CLYBL: variants seen among roughly 807,000 people sequenced by gnomAD.
The protein encoded by CLYBL is citramalyl-CoA lyase.
CLYBL carries 31 observed loss-of-function variants against 38.9 expected under a neutral mutation model. That is an observed-to-expected ratio of 0.80 (90% CI 0.60 to 1.08). CLYBL has a LOEUF of 1.08. CLYBL is among the 50% of genes least tolerant of loss of function. The pLI, the probability that CLYBL is intolerant of heterozygous loss-of-function variation, is 0.00. For missense variants in CLYBL, 434 were observed against 411.6 expected (o/e 1.05, Z -0.47); for synonymous variants, 171 against 158.6 (o/e 1.08, Z -0.59).
At chr13:99,805,877 C>T (rs569679100) in intron 2 of CLYBL, among the ~76,000 whole-genome samples, 10 of 152,176 alleles carry the variant, frequency 6.6e-5, no homozygotes, top group South Asian at 6.2e-4. Flanking sequence ...TACATGGTTG[C>T]GTTGTTGTCA....
chr13:99,671,180 A>G (rs1270744108), intron 1 of CLYBL, among the ~76,000 whole-genome samples: 2 of 152,096 alleles, frequency 1.3e-5, no homozygotes, highest in African/African-American at 4.8e-5. Context: ...AGCCTTCCCT[A>G]CCATCCTATT....
chr13:99,779,671 T>C lies in CLYBL; in HGVS notation c.249+6661T>C, dbSNP rs117328679. ...TTTCTAAACTGTTACTCTCCAAGGTTGCACTTAATCATAGTGGCATGGTAA... is the reference window on the plus strand; with the variant it reads ...TTTCTAAACTGTTACTCTCCAAGGTCGCACTTAATCATAGTGGCATGGTAA... On this transcript the variant is annotated intron_variant, in intron 2 of 8. Coordinates refer to ENST00000339105, the MANE Select transcript of CLYBL (RefSeq NM_206808.5). 5.4e-3 allele frequency among the ~76,000 whole-genome samples: 819 copies of C among 152,344 alleles called. 7 individuals are homozygous for C. Among genetic ancestry groups the C allele is most frequent in the South Asian group, 0.021 (103 of 4,828 alleles).
intron 1 of CLYBL, among the ~76,000 whole-genome samples, chr13:99,617,725 A>G (rs1399561690): frequency 1.3e-5 from 2 of 152,230 alleles, no homozygotes; most frequent in Non-Finnish European, 2.9e-5. Context: ...ATACTGACCT[A>G]TAAACGGTCC....
At chr13:99,727,410 A>G (rs1355781354) in intron 1 of CLYBL, 2 of 152,092 alleles carry the variant, frequency 1.3e-5, no homozygotes, top group Non-Finnish European at 2.9e-5. Context: ...GTTCCTTTTC[A>G]GATAAAGGTC....
At chr13:99,754,416 C>CAAAAAAAAAAAAAAAAAAAA (rs1172376194) in intron 1 of CLYBL, among the ~76,000 whole-genome samples, 1 of 71,882 alleles carries the variant, frequency 1.4e-5, no homozygotes, top group African/African-American at 5.7e-5. Context: ...GACCCTGTCT[C>CAAAAAAAAAAAAAAAAAAAA]AAAAAAAAAA....
chr13:99,810,100 T>G (rs2050311392), intron 2 of CLYBL, among the ~76,000 whole-genome samples: 1 of 152,256 alleles, frequency 6.6e-6, no homozygotes, highest in African/African-American at 2.4e-5. Context: ...AATGATTAAC[T>G]CGGTAACTCA....
chr13:99,653,125 G>T (rs1319216367), intron 1 of CLYBL, among the ~76,000 whole-genome samples: 1 of 152,172 alleles, frequency 6.6e-6, no homozygotes, highest in African/African-American at 2.4e-5. Context: ...AATCTGAAGG[G>T]CAAGGGTTTG....
chr13:99,743,272 C>T (rs1001999982), intron 1 of CLYBL, among the ~76,000 whole-genome samples: 15 of 152,074 alleles, frequency 9.9e-5, no homozygotes, highest in Admixed American at 2.0e-4. Context: ...CAATTGTAAC[C>T]GCGAATGATG....
At chr13:99,718,374 G>GAAA (rs80328734) in intron 1 of CLYBL, among the ~76,000 whole-genome samples, 1 of 123,028 alleles carries the variant, frequency 8.1e-6, no homozygotes, top group African/African-American at 2.8e-5. Context: ...TTAAAAAAAA[G>GAAA]AAAAAAAAAA....
chr13:99,781,361 G>A (rs569399694), intron 2 of CLYBL, among the ~76,000 whole-genome samples: 121 of 151,930 alleles, frequency 8.0e-4, no homozygotes, highest in African/African-American at 2.8e-3. Context: ...TAGTAGAGAT[G>A]GGGTTTCACT....
At chr13:99,839,882 C>T (rs905512907) in intron 2 of CLYBL, among the ~76,000 whole-genome samples, 2 of 151,948 alleles carry the variant, frequency 1.3e-5, no homozygotes, top group Non-Finnish European at 2.9e-5. Context: ...AAAATAGTTA[C>T]CCTGCTGTGC....
At chr13:99,863,330 A>C (rs935781867) in intron 4 of CLYBL, among the ~76,000 whole-genome samples, 1 of 152,224 alleles carries the variant, frequency 6.6e-6, no homozygotes, top group African/African-American at 2.4e-5. Flanking sequence ...TATTTAAATG[A>C]AGCATTTGTA....
At chr13:99,744,919 C>T (rs2048823238) in intron 1 of CLYBL, among the ~76,000 whole-genome samples, 1 of 152,208 alleles carries the variant, frequency 6.6e-6, no homozygotes, top group Non-Finnish European at 1.5e-5. Context: ...TCTGGAGTCA[C>T]AGGCAGGACC....
chr13:99,706,112 A>G (rs991078926), intron 1 of CLYBL, among the ~76,000 whole-genome samples: 5 of 151,956 alleles, frequency 3.3e-5, no homozygotes, highest in Admixed American at 6.6e-5. Context: ...TTGTATTTTT[A>G]GTAGAGACAG....
intron 6 of CLYBL, among the ~76,000 whole-genome samples, chr13:99,867,656 T>G (rs1317597793): frequency 6.6e-6 from 1 of 152,130 alleles, no homozygotes; most frequent in Non-Finnish European, 1.5e-5. Flanking sequence ...TCCTGCCTCT[T>G]TCCAACGGCT....
chr13:99,770,080 C>CTTTTTTTTTTTTTTTTTTTTT (rs3033589), intron 1 of CLYBL, among the ~76,000 whole-genome samples: 7 of 103,182 alleles, frequency 6.8e-5, no homozygotes, highest in Non-Finnish European at 7.8e-5. Context: ...TCTTTTCTTT[C>CTTTTTTTTTTTTTTTTTTTTT]TTTTTTTTTT....
intron 1 of CLYBL, among the ~76,000 whole-genome samples, chr13:99,660,759 TCCTTA>T (rs902886238): frequency 1.3e-5 from 2 of 152,190 alleles, no homozygotes; most frequent in African/African-American, 2.4e-5. Context: ...TTTAAAATTT[TCCTTA>T]CCAGTACTTG....
intron 1 of CLYBL, among the ~76,000 whole-genome samples, chr13:99,767,780 C>G (rs2049296940): frequency 6.6e-6 from 1 of 152,176 alleles, no homozygotes; most frequent in Non-Finnish European, 1.5e-5. Context: ...CTTTTCAGTT[C>G]TGGGGTTTGT....
chr13:99,694,672 T>C (rs970869364), intron 1 of CLYBL, among the ~76,000 whole-genome samples: 1 of 152,220 alleles, frequency 6.6e-6, no homozygotes, highest in African/African-American at 2.4e-5. Flanking sequence ...CACGTCTAAA[T>C]GGAAAATTGC....
Sources: allele counts gnomAD v4.1 joint callset (sites outside exome capture counted in the v4.1 genomes callset), GRCh38; gene constraint gnomAD v4.1.1; transcripts MANE v1.5; gene names NCBI Gene and HGNC (gene_info 2026-07-23, HGNC 2026-07-21).